The following FAM124A variants were observed in gnomAD, a reference collection of about 807,000 sequenced individuals.
FAM124A encodes protein FAM124A.
FAM124A carries 23 observed loss-of-function variants against 24.5 expected under a neutral mutation model. The observed-to-expected ratio is 0.94, with a 90% CI of 0.68 to 1.33. FAM124A has a LOEUF of 1.33. Ranked by LOEUF, FAM124A falls within the 40% of genes most tolerant of loss-of-function variation. The pLI is 0.00. For missense variants in FAM124A, 623 were observed against 722.8 expected (o/e 0.86, Z 1.58); for synonymous variants, 287 against 314.7 (o/e 0.91, Z 0.93).
At chr13:51,249,798 C>T (rs1332771768) in intron 2 of FAM124A, among the ~76,000 whole-genome samples, 1 of 152,214 alleles carries the variant, frequency 6.6e-6, no homozygotes, top group Admixed American at 6.5e-5. Context: ...TGTGTTTCCC[C>T]ACTCAGTCAC....
chr13:51,254,898 C>T (rs956796467), intron 3 of FAM124A, among the ~76,000 whole-genome samples: 1 of 152,042 alleles, frequency 6.6e-6, no homozygotes, highest in Non-Finnish European at 1.5e-5. Flanking sequence ...TGTAAATATA[C>T]AGCTCAGTGA....
At chr13:51,267,333 G>A (rs544547700) in intron 3 of FAM124A, among the ~76,000 whole-genome samples, 1 of 152,194 alleles carries the variant, frequency 6.6e-6, no homozygotes, top group Non-Finnish European at 1.5e-5. Context: ...AAAATATATA[G>A]GATTTTGAAT....
At chr13:51,267,522 T>C (rs1467671151) in intron 3 of FAM124A, among the ~76,000 whole-genome samples, 1 of 152,228 alleles carries the variant, frequency 6.6e-6, no homozygotes, top group Non-Finnish European at 1.5e-5. Flanking sequence ...CTTTAGGCTA[T>C]GGCTATCTGC....
chr13:51,243,001 G>C lies in FAM124A; in HGVS notation c.101-8467G>C, dbSNP rs1954516034. On this transcript the variant is annotated intron_variant, in intron 2 of 3. Coordinates refer to ENST00000322475, the MANE Select transcript of FAM124A (RefSeq NM_001242312.2). ...GTTTTAGCTTAATCATTTCAGCCTA[G>C]GTTCAGTTCTTCAATTACAGGACAC... is the stretch of plus-strand genomic sequence containing the variant. Among the ~76,000 whole-genome samples the C allele has an allele frequency of 3.3e-5, 5 of 152,228 alleles. No homozygotes were observed. In the South Asian group the frequency reaches 1.0e-3, roughly 31 times the overall value.
intron 1 of FAM124A, among the ~76,000 whole-genome samples, chr13:51,230,109 A>G (rs914557765): frequency 1.3e-5 from 2 of 152,186 alleles, no homozygotes; most frequent in Non-Finnish European, 2.9e-5. Flanking sequence ...TTTGTAATAT[A>G]TAAAGGGATA....
intron 1 of FAM124A, 101 bp downstream of exon 1, chr13:51,222,670 G>A (rs1954273447): frequency 4.5e-6 from 5 of 1,104,386 alleles, no homozygotes. Flanking sequence ...GACGGGACCG[G>A]GGCGCGGGGC....
At chr13:51,231,454 G>A in intron 2 of FAM124A, 75 bp downstream of exon 2, 2 of 1,468,758 alleles carry the variant, frequency 1.4e-6, no homozygotes, top group South Asian at 1.3e-5. Context: ...GGCCATGTGT[G>A]TACATGGTTT....
intron 2 of FAM124A, among the ~76,000 whole-genome samples, chr13:51,249,158 A>C (rs1397769732): frequency 2.0e-5 from 3 of 152,168 alleles, no homozygotes; most frequent in Non-Finnish European, 4.4e-5. Flanking sequence ...TCTCCTCAGC[A>C]TTTGAGGGCA....
At chr13:51,279,266 G>A (rs1412704365) in intron 3 of FAM124A, among the ~76,000 whole-genome samples, 11 of 152,020 alleles carry the variant, frequency 7.2e-5, no homozygotes, top group Non-Finnish European at 1.6e-4. Flanking sequence ...AAATTGGTTT[G>A]TTTCCCCAGC....
intron 3 of FAM124A, among the ~76,000 whole-genome samples, chr13:51,259,144 C>A (rs933870688): frequency 6.6e-6 from 1 of 152,180 alleles, no homozygotes; most frequent in Non-Finnish European, 1.5e-5. Flanking sequence ...CTTGCTCTAC[C>A]TCAGGACGCT....
chr13:51,234,653 G>A (rs1954416180), intron 2 of FAM124A, among the ~76,000 whole-genome samples: 1 of 152,156 alleles, frequency 6.6e-6, no homozygotes. Flanking sequence ...CCTCTACAAA[G>A]AGATGGAAGG....
chr13:51,231,956 G>A (rs1163207695), intron 2 of FAM124A, among the ~76,000 whole-genome samples: 1 of 152,178 alleles, frequency 6.6e-6, no homozygotes, highest in Non-Finnish European at 1.5e-5. Context: ...GTACCAATAC[G>A]TATGCACATT....
chr13:51,251,906 A>G lies in FAM124A; in HGVS notation c.539A>G (p.Tyr180Cys), dbSNP rs1226902448. 1 of 1,614,118 alleles carries G rather than the reference A, an allele frequency of 6.2e-7. No homozygotes were observed. The highest frequency in any genetic ancestry group is 1.7e-5 in the Admixed American group (1 of 60,032). The change falls in exon 3 of 4, where the codon TAC becomes TGC. Residue 180 changes from tyrosine to cysteine, a missense_variant. Tyr to Cys is a radical substitution (Grantham distance 194, BLOSUM62 -2). Transcript: ENST00000322475. The surrounding 1 kb of genome is among the most constrained non-coding windows in gnomAD (Gnocchi z 5.3). ...EIVRFTVYCR[Y>C]DNYADSLRFY... ...GTGCGCTTCACCGTCTACTGTCGCT[A>G]CGACAACTATGCTGACAGCCTCAGG...
At position 51,246,243 on chromosome 13, in the gene FAM124A, T is replaced by C. The variant is rs1437439035; in HGVS notation, c.101-5225T>C. On this transcript the variant is annotated intron_variant, in intron 2 of 3. Coordinates refer to ENST00000322475, the MANE Select transcript of FAM124A (RefSeq NM_001242312.2). ...CTAGGTCCTTTGAGAAGACATGTAA[T>C]AGATATGATAAAGGCAGAGCACATC... 2.6e-5 allele frequency among the ~76,000 whole-genome samples: 4 copies of C among 152,254 alleles called. No individual in the cohort carries two copies. The East Asian group carries it at 7.7e-4, about 29-fold the overall frequency.
At chr13:51,241,741 CA>C (rs35118963) in intron 2 of FAM124A, among the ~76,000 whole-genome samples, 67,524 of 149,304 alleles carry the variant, frequency 0.45, 15,185 homozygotes, top group East Asian at 0.61. Flanking sequence ...AATTTTAGGC[CA>C]AAAAAAAAAA....
chr13:51,246,058 G>GA (rs1208456836), intron 2 of FAM124A, among the ~76,000 whole-genome samples: 1 of 152,108 alleles, frequency 6.6e-6, no homozygotes, highest in Non-Finnish European at 1.5e-5. Flanking sequence ...ATAATCAAAT[G>GA]AAAAAGAATC....
At chr13:51,248,823 G>A (rs1593596508) in intron 2 of FAM124A, among the ~76,000 whole-genome samples, 1 of 152,164 alleles carries the variant, frequency 6.6e-6, no homozygotes, top group Non-Finnish European at 1.5e-5. Flanking sequence ...AGAAAGTAAG[G>A]ATACATAATA....
At chr13:51,250,470 T>A (rs1178941976) in intron 2 of FAM124A, among the ~76,000 whole-genome samples, 1 of 152,222 alleles carries the variant, frequency 6.6e-6, no homozygotes. Flanking sequence ...GGTATAGTTA[T>A]ATGATTTAGA....
intron 3 of FAM124A, among the ~76,000 whole-genome samples, chr13:51,257,503 G>A (rs1954687488): frequency 6.6e-6 from 1 of 152,210 alleles, no homozygotes; most frequent in African/African-American, 2.4e-5. Flanking sequence ...GTGTGCTTAT[G>A]TGCGTCATCA....
Sources: allele counts gnomAD v4.1 joint callset (sites outside exome capture counted in the v4.1 genomes callset), GRCh38; gene constraint gnomAD v4.1.1; non-coding constraint Gnocchi (gnomAD v3.1); transcripts MANE v1.5; gene names NCBI Gene and HGNC (gene_info 2026-07-23, HGNC 2026-07-21).